Variants in C1QTNF7 observed in about 807,000 individuals in gnomAD.
C1QTNF7 encodes C1q and TNF related 7, also known as complement C1q tumor necrosis factor-related protein 7.
Under a neutral mutation model 19.6 loss-of-function variants are expected in C1QTNF7, and 15 were observed. The observed-to-expected ratio is 0.76, with a 90% CI of 0.51 to 1.18. C1QTNF7 has a LOEUF of 1.18. C1QTNF7 is among the 50% of genes most tolerant of loss of function. C1QTNF7 has a pLI of 0.00. For missense variants in C1QTNF7, 324 were observed against 359.7 expected (o/e 0.90, Z 0.80); for synonymous variants, 142 against 137.5 (o/e 1.03, Z -0.23).
At chr4:15,349,032 T>C (rs912018973) in intron 1 of C1QTNF7, among the ~76,000 whole-genome samples, 1 of 152,202 alleles carries the variant, frequency 6.6e-6, no homozygotes, top group Admixed American at 6.5e-5. Flanking sequence ...ATTTTACACA[T>C]GAGACCCAAA....
intron 1 of C1QTNF7, among the ~76,000 whole-genome samples, chr4:15,428,841 G>A (rs774355000): frequency 6.6e-5 from 10 of 152,156 alleles, no homozygotes; most frequent in Non-Finnish European, 7.3e-5. Flanking sequence ...AAAATGTCCC[G>A]TTTTGGCTTT....
rs1236545581 is a variant in C1QTNF7 at position 15,445,775 on chromosome 4, G to A, written c.*2976G>A. On this transcript the variant is annotated 3_prime_UTR_variant, in exon 3 of 3. Coordinates refer to ENST00000444304, the MANE Select transcript of C1QTNF7 (RefSeq NM_031911.5). The stretch of plus-strand genomic sequence containing the variant: ...TCTCATTGCAATCATTCTTTGTAAA[G>A]GCTGACTTGTAATGAATATGTATTA... The A allele has an allele frequency of 1.3e-5, 2 of 152,190 alleles. No homozygotes were observed. The highest frequency in any genetic ancestry group is 2.9e-5 in the Non-Finnish European group (2 of 68,046). 9.4% of individuals were successfully genotyped at this position (152,190 alleles called of 1,614,324 possible).
chr4:15,344,023 A>G (rs1257539561), intron 1 of C1QTNF7, among the ~76,000 whole-genome samples: 1 of 152,202 alleles, frequency 6.6e-6, no homozygotes, highest in Admixed American at 6.5e-5. Flanking sequence ...GTAACATGCA[A>G]TCTGGCCTTA....
At chr4:15,371,832 AG>A (rs1396769073) in intron 1 of C1QTNF7, among the ~76,000 whole-genome samples, 1 of 152,162 alleles carries the variant, frequency 6.6e-6, no homozygotes, top group African/African-American at 2.4e-5. Flanking sequence ...TGTCAATCTA[AG>A]CTCAGTGGGC....
intron 1 of C1QTNF7, among the ~76,000 whole-genome samples, chr4:15,394,412 A>G (rs1718702221): frequency 6.6e-6 from 1 of 152,284 alleles, no homozygotes. Flanking sequence ...AGGCAGAGAA[A>G]GGTATTCACC....
intron 1 of C1QTNF7, among the ~76,000 whole-genome samples, chr4:15,370,629 C>T (rs1717687405): frequency 6.6e-6 from 1 of 151,938 alleles, no homozygotes; most frequent in East Asian, 1.9e-4. Flanking sequence ...TACATTCTAG[C>T]CTTTGAAAGG....
At chr4:15,371,893 A>G (rs1717744501) in intron 1 of C1QTNF7, among the ~76,000 whole-genome samples, 1 of 152,098 alleles carries the variant, frequency 6.6e-6, no homozygotes, top group Non-Finnish European at 1.5e-5. Flanking sequence ...CTGGGTAACA[A>G]TGTCTTGCCT....
chr4:15,397,785 C>A (rs1718842611), intron 1 of C1QTNF7, among the ~76,000 whole-genome samples: 1 of 152,210 alleles, frequency 6.6e-6, no homozygotes, highest in South Asian at 2.1e-4. Context: ...CTAAATTAGT[C>A]ATAGGATCCC....
chr4:15,364,144 C>T (rs1217907073), intron 1 of C1QTNF7, among the ~76,000 whole-genome samples: 1 of 152,186 alleles, frequency 6.6e-6, no homozygotes, highest in African/African-American at 2.4e-5. Flanking sequence ...TCCTGTCAAA[C>T]CTTTTCTGTG....
chr4:15,407,919 C>G (rs1038513529), intron 1 of C1QTNF7, among the ~76,000 whole-genome samples: 1 of 151,838 alleles, frequency 6.6e-6, no homozygotes, highest in Non-Finnish European at 1.5e-5. Context: ...GAGCGAAACT[C>G]TGTCTCAAAA....
In C1QTNF7 at chr4:15,399,809, T is replaced by G. The variant is rs137857450; in HGVS notation, c.14-35927T>G. On this transcript the variant is annotated intron_variant, in intron 1 of 2. Coordinates refer to the C1QTNF7 transcript ENST00000295297. ...GAACTGAGATGCCACTTGCAAAATTTGGAAGGTGCTTTCAAGTAGTATATA... is the reference window on the plus strand; with the variant it reads ...GAACTGAGATGCCACTTGCAAAATTGGGAAGGTGCTTTCAAGTAGTATATA... Among the ~76,000 whole-genome samples the G allele has an allele frequency of 4.1e-3, 617 of 152,332 alleles. 3 individuals are homozygous for G. The highest frequency in any genetic ancestry group is 0.014 in the African/African-American group (575 of 41,574).
At chr4:15,436,548 G>A (rs1257255790) in intron 2 of C1QTNF7, among the ~76,000 whole-genome samples, 3 of 152,210 alleles carry the variant, frequency 2.0e-5, no homozygotes, top group Admixed American at 2.0e-4. Flanking sequence ...GCACTGTAAA[G>A]CCTACCTTTC....
At chr4:15,399,088 C>G (rs1403943053) in intron 1 of C1QTNF7, among the ~76,000 whole-genome samples, 1 of 152,122 alleles carries the variant, frequency 6.6e-6, no homozygotes, top group East Asian at 1.9e-4. Flanking sequence ...AGGTCATGTA[C>G]CAGTTAAATG....
intron 1 of C1QTNF7, among the ~76,000 whole-genome samples, chr4:15,350,107 G>GAGGGAGGGAGAGAGGAAGGA (rs1560337352): frequency 3.1e-4 from 36 of 117,744 alleles, no homozygotes; most frequent in African/African-American, 1.2e-3. Context: ...GAGAGGAAGG[G>GAGGGAGGGAGAGAGGAAGGA]AGGCAGGCAG....
chr4:15,348,906 T>C (rs540288560), intron 1 of C1QTNF7, among the ~76,000 whole-genome samples: 216 of 152,322 alleles, frequency 1.4e-3, no homozygotes, highest in African/African-American at 4.9e-3. Flanking sequence ...GCATGCACAG[T>C]GCTCTACAGT....
In C1QTNF7 at chr4:15,442,764, T is replaced by C. The variant is rs755297630; in HGVS notation, c.835T>C (p.Tyr279His). Residue 279 changes from tyrosine (Y) to histidine (H), a missense_variant, in exon 3 of 3, where the codon TAC (tyrosine) becomes CAC (histidine). Transcript: ENST00000444304. The stretch of plus-strand genomic sequence containing the variant: ...GTTTCTCTTATACGTTGACACAGAT[T>C]ACCTAGATTCCATATCAGAAGATGA... ...SGFLLYVDTD[Y>H]LDSISEDDEL The C allele has an allele frequency of 1.2e-5, 19 of 1,612,870 alleles. No individual in the cohort carries two copies. Among genetic ancestry groups the C allele is most frequent in the East Asian group, 2.2e-5 (1 of 44,874 alleles).
chr4:15,344,441 CA>C (rs1227601102), intron 1 of C1QTNF7, among the ~76,000 whole-genome samples: 1 of 152,100 alleles, frequency 6.6e-6, no homozygotes, highest in Non-Finnish European at 1.5e-5. Flanking sequence ...ACATTTGACC[CA>C]ATTAACATCA....
At chr4:15,422,041 C>T (rs1711793772) in intron 1 of C1QTNF7, among the ~76,000 whole-genome samples, 1 of 152,060 alleles carries the variant, frequency 6.6e-6, no homozygotes, top group Middle Eastern at 3.4e-3. Flanking sequence ...AGGAGACTGA[C>T]TACAAAGGGA....
In C1QTNF7 at chr4:15,429,865, C is replaced by T. The variant is rs112833495; in HGVS notation, c.-9+1759C>T. Among the ~76,000 whole-genome samples the T allele has an allele frequency of 1.2e-3, 176 of 152,198 alleles. 1 individual carries two copies. The highest frequency in any genetic ancestry group is 2.1e-3 in the Non-Finnish European group (143 of 68,004). Reference sequence around the variant, plus strand: ...GAATCACTATCCTGTTTTCCACAGGCGCTGCACCATTTTACATTCCCACCA... The same window carrying T: ...GAATCACTATCCTGTTTTCCACAGGTGCTGCACCATTTTACATTCCCACCA... On this transcript the variant is annotated intron_variant, in intron 1 of 2. Coordinates refer to ENST00000444304, the MANE Select transcript of C1QTNF7 (RefSeq NM_031911.5).
Sources: gnomAD v4.1 joint callset for allele counts (sites outside exome capture counted in the v4.1 genomes callset) on GRCh38, gnomAD v4.1.1 for gene constraint, MANE v1.5 for transcripts, NCBI Gene and HGNC (gene_info 2026-07-23, HGNC 2026-07-21) for gene names.